The following DAB1 variants were observed in gnomAD, a reference collection of about 807,000 sequenced individuals.
The protein encoded by DAB1 is DAB adaptor protein 1.
DAB1 carries 15 observed loss-of-function variants against 64.6 expected under a neutral mutation model. The observed-to-expected ratio is 0.23, with a 90% CI of 0.16 to 0.36. DAB1 has a LOEUF of 0.36. DAB1 is among the 10% of genes least tolerant of loss of function. The pLI is 1.00. For synonymous variants in DAB1, 235 were observed against 251.9 expected (o/e 0.93, Z 0.64); for missense variants, 596 against 706.7 (o/e 0.84, Z 1.78).
chr1:57,827,263 A>G (rs555590469), intron 1 of DAB1, among the ~76,000 whole-genome samples: 11 of 152,310 alleles, frequency 7.2e-5, no homozygotes, highest in African/African-American at 2.4e-4. Context: ...CAGTTCAGCC[A>G]TTGTTAAAGG....
At chr1:57,137,942 T>A (rs780408419) in intron 3 of DAB1, among the ~76,000 whole-genome samples, 3 of 152,176 alleles carry the variant, frequency 2.0e-5, no homozygotes, top group Non-Finnish European at 4.4e-5. Context: ...CTGTATAATC[T>A]TGGACAAATT....
chr1:57,284,460 C>T (rs1672154082), intron 2 of DAB1, among the ~76,000 whole-genome samples: 1 of 152,150 alleles, frequency 6.6e-6, no homozygotes, highest in African/African-American at 2.4e-5. Context: ...CAAAATTGGG[C>T]AAGCAAATAT....
chr1:57,657,854 T>G (rs1192618596), intron 6 of DAB1, among the ~76,000 whole-genome samples: 2 of 152,224 alleles, frequency 1.3e-5, no homozygotes. Flanking sequence ...TTGTCTCTGG[T>G]TGGGTTCTGC....
At chr1:57,170,819 T>C (rs986823405) in intron 2 of DAB1, among the ~76,000 whole-genome samples, 1 of 152,182 alleles carries the variant, frequency 6.6e-6, no homozygotes, top group Non-Finnish European at 1.5e-5. Context: ...AGGGGTTGGC[T>C]ACTCTTGCTC....
At chr1:58,319,203 G>T (rs895329204) in intron 4 of DAB1, among the ~76,000 whole-genome samples, 1 of 152,082 alleles carries the variant, frequency 6.6e-6, no homozygotes, top group East Asian at 1.9e-4. Flanking sequence ...TTGAACATGG[G>T]TGTCTGAATT....
chr1:57,879,854 C>T (rs1018118246), intron 1 of DAB1, among the ~76,000 whole-genome samples: 4 of 152,138 alleles, frequency 2.6e-5, no homozygotes, highest in African/African-American at 4.8e-5. Flanking sequence ...CTGTACACTG[C>T]TTCCCCATCA....
At chr1:57,930,607 C>T (rs974063019) in intron 5 of DAB1, among the ~76,000 whole-genome samples, 4 of 152,192 alleles carry the variant, frequency 2.6e-5, no homozygotes, top group African/African-American at 7.2e-5. Flanking sequence ...GTCAGATTTA[C>T]AACTAAGTAT....
At chr1:57,947,995 A>G (rs1251224677) in intron 5 of DAB1, among the ~76,000 whole-genome samples, 3 of 152,194 alleles carry the variant, frequency 2.0e-5, no homozygotes. Flanking sequence ...CTCAAGAAAC[A>G]GTATGGTACT....
intron 5 of DAB1, among the ~76,000 whole-genome samples, chr1:58,132,744 G>C (rs1282258179): frequency 6.6e-6 from 1 of 152,184 alleles, no homozygotes; most frequent in East Asian, 1.9e-4. Context: ...GCCTCGCCAG[G>C]ATGCTGTCTG....
intron 2 of DAB1, among the ~76,000 whole-genome samples, chr1:57,208,293 C>T (rs528043960): frequency 2.5e-4 from 38 of 150,966 alleles, no homozygotes; most frequent in African/African-American, 9.2e-4. Context: ...AATGTCTGAC[C>T]TGTGCTCAGA....
intron 6 of DAB1, among the ~76,000 whole-genome samples, chr1:57,657,130 G>A (rs1646328526): frequency 6.6e-6 from 1 of 152,176 alleles, no homozygotes; most frequent in Non-Finnish European, 1.5e-5. Flanking sequence ...GAGAGTGAGT[G>A]TATAAATTAA....
At chr1:57,562,941 A>T (rs1645070294) in intron 7 of DAB1, among the ~76,000 whole-genome samples, 1 of 152,138 alleles carries the variant, frequency 6.6e-6, no homozygotes, top group Non-Finnish European at 1.5e-5. Flanking sequence ...TCTACAACGG[A>T]GGTAAGGAAG....
chr1:57,660,066 A>G (rs1484522957), intron 6 of DAB1, among the ~76,000 whole-genome samples: 1 of 151,964 alleles, frequency 6.6e-6, no homozygotes, highest in African/African-American at 2.4e-5. Context: ...TTAATAAAGA[A>G]CACATAATAA....
intron 1 of DAB1, among the ~76,000 whole-genome samples, chr1:57,340,333 T>A (rs1677468998): frequency 6.6e-6 from 1 of 152,228 alleles, no homozygotes; most frequent in Non-Finnish European, 1.5e-5. Flanking sequence ...AAGCCTGTCA[T>A]CAATTTGCAT....
At chr1:57,725,622 A>G (rs1223259748) in intron 6 of DAB1, among the ~76,000 whole-genome samples, 1 of 152,226 alleles carries the variant, frequency 6.6e-6, no homozygotes, top group Non-Finnish European at 1.5e-5. Context: ...TGTATCAGAT[A>G]AGGAAAGAGA....
At position 57,377,604 on chromosome 1, in the gene DAB1, AG is replaced by A. The variant is rs770613474; in HGVS notation, c.-137+46325del. 1.1e-3 allele frequency among the ~76,000 whole-genome samples: 161 copies of A among 152,326 alleles called. 2 individuals are homozygous for A. Among genetic ancestry groups the A allele is most frequent in the South Asian group, 4.1e-4 (2 of 4,830 alleles). On this transcript the variant is annotated intron_variant, in intron 1 of 14. Transcript: ENST00000371236. ...CAGAACTACAAATTAGGCAATGCAG[AG>A]GACTTTTTCCAGTTAAGTCCTCCCT...
At position 57,701,211 on chromosome 1, in the gene DAB1, C is replaced by A. The variant is rs530778415; in HGVS notation, n.552-51546G>T. Among the ~76,000 whole-genome samples, 23 of 152,014 alleles carry A rather than the reference C, an allele frequency of 1.5e-4. 1 individual carries two copies. The highest frequency in any genetic ancestry group is 5.1e-4 in the African/African-American group (21 of 41,310). ...CAGCCATCCCATTACTGGGTATATA[C>A]CCAAAGGATTATAAATCATGCTGCT... On this transcript the variant is annotated intron_variant and non_coding_transcript_variant, in intron 6 of 20. Transcript: ENST00000485760.
At chr1:57,991,427 G>A (rs1646336704) in intron 5 of DAB1, among the ~76,000 whole-genome samples, 1 of 152,090 alleles carries the variant, frequency 6.6e-6, no homozygotes, top group Admixed American at 6.6e-5. Flanking sequence ...ATGAAAGATG[G>A]CTCCTGCCCC....
At chr1:57,186,591 G>A (rs1056776736) in intron 2 of DAB1, among the ~76,000 whole-genome samples, 2 of 152,152 alleles carry the variant, frequency 1.3e-5, no homozygotes, top group African/African-American at 4.8e-5. Flanking sequence ...AGGTTGTGCT[G>A]ACATAATCCG....
Sources: allele counts gnomAD v4.1 joint callset (sites outside exome capture counted in the v4.1 genomes callset), GRCh38; gene constraint gnomAD v4.1.1; transcripts MANE v1.5; gene names NCBI Gene and HGNC (gene_info 2026-07-23, HGNC 2026-07-21).